The following CCSER1 variants were observed in gnomAD, a reference collection of about 807,000 sequenced individuals.
The protein encoded by CCSER1 is serine-rich coiled-coil domain-containing protein 1.
In CCSER1, 41 loss-of-function variants were observed where a neutral mutation model predicts 82.0. The observed-to-expected ratio is 0.50, with a 90% CI of 0.39 to 0.65. The LOEUF is 0.65. Ranked by LOEUF, CCSER1 falls within the 30% of genes least tolerant of loss-of-function variation. The pLI, the probability that CCSER1 is intolerant of heterozygous loss-of-function variation, is 0.00. For missense variants in CCSER1, 1,119 were observed against 1,064.2 expected, an observed-to-expected ratio of 1.05 and a Z score of -0.72; for synonymous variants, 414 against 383.9, an observed-to-expected ratio of 1.08 and a Z score of -0.92.
chr4:90,881,917 G>C (rs951086459), intron 8 of CCSER1, among the ~76,000 whole-genome samples: 1 of 150,758 alleles, frequency 6.6e-6, no homozygotes, highest in African/African-American at 2.4e-5. Flanking sequence ...GCAGCAATGC[G>C]AATATGTTTT....
intron 1 of CCSER1, among the ~76,000 whole-genome samples, chr4:90,234,032 A>G (rs1745251438): frequency 2.6e-5 from 4 of 152,188 alleles, no homozygotes; most frequent in Admixed American, 2.6e-4. Context: ...TTGTGCTTAT[A>G]TGATATCAAT....
At chr4:90,418,705 C>T (rs1382133888) in intron 4 of CCSER1, among the ~76,000 whole-genome samples, 1 of 151,980 alleles carries the variant, frequency 6.6e-6, no homozygotes, top group Non-Finnish European at 1.5e-5. Flanking sequence ...CACATGTTCA[C>T]TGAAGCATTT....
chr4:91,196,112 G>A (rs74943740), intron 10 of CCSER1, among the ~76,000 whole-genome samples: 1 of 151,774 alleles, frequency 6.6e-6, no homozygotes, highest in East Asian at 1.9e-4. Flanking sequence ...GCATGAACCC[G>A]GGAGGCGGAG....
intron 10 of CCSER1, among the ~76,000 whole-genome samples, chr4:91,402,656 T>C (rs1468830880): frequency 6.6e-6 from 1 of 152,214 alleles, no homozygotes; most frequent in Non-Finnish European, 1.5e-5. Flanking sequence ...TAGGGAATCC[T>C]TTCCCCATTT....
intron 10 of CCSER1, among the ~76,000 whole-genome samples, chr4:91,507,692 T>G (rs1204274297): frequency 6.6e-6 from 1 of 151,902 alleles, no homozygotes; most frequent in African/African-American, 2.4e-5. Context: ...TTTTTTTCTC[T>G]CATTCTGAAG....
At chr4:91,253,726 T>A (rs1740450361) in intron 10 of CCSER1, among the ~76,000 whole-genome samples, 1 of 152,106 alleles carries the variant, frequency 6.6e-6, no homozygotes, top group Admixed American at 6.5e-5. Context: ...GAAATACACC[T>A]CATGGTTCTT....
intron 3 of CCSER1, among the ~76,000 whole-genome samples, chr4:90,359,922 AT>A (rs200405709): frequency 0.096 from 13,069 of 136,464 alleles, 885 homozygotes; most frequent in East Asian, 0.19. Context: ...TATGTATATA[AT>A]TTTTTTTTTT....
intron 1 of CCSER1, among the ~76,000 whole-genome samples, chr4:90,231,546 C>G (rs1224495321): frequency 6.9e-6 from 1 of 144,436 alleles, no homozygotes; most frequent in Non-Finnish European, 1.5e-5. Context: ...GAAGCATTCC[C>G]TTTGAAAACT....
chr4:91,368,702 T>C (rs1362954308), intron 10 of CCSER1, among the ~76,000 whole-genome samples: 1 of 152,164 alleles, frequency 6.6e-6, no homozygotes, highest in African/African-American at 2.4e-5. Context: ...TTTAGTTTGG[T>C]AGCAATTTCA....
At chr4:90,173,824 A>G (rs910300709) in intron 1 of CCSER1, among the ~76,000 whole-genome samples, 1 of 151,968 alleles carries the variant, frequency 6.6e-6, no homozygotes, top group South Asian at 2.1e-4. Flanking sequence ...GTGATCAGTT[A>G]TGGATTATTT....
chr4:90,926,057 A>G (rs993340537), intron 9 of CCSER1, among the ~76,000 whole-genome samples: 2 of 151,962 alleles, frequency 1.3e-5, no homozygotes, highest in Admixed American at 1.3e-4. Flanking sequence ...AAACTGTACA[A>G]TTTCTCCCAT....
At chr4:90,404,176 G>A (rs1014581123) in intron 4 of CCSER1, 8 of 152,266 alleles carry the variant, frequency 5.3e-5, no homozygotes, top group African/African-American at 1.2e-4. Flanking sequence ...AGTGGGGTGA[G>A]GCATGTGACT....
At chr4:90,153,083 C>T (rs1344991950) in intron 1 of CCSER1, among the ~76,000 whole-genome samples, 5 of 135,424 alleles carry the variant, frequency 3.7e-5, no homozygotes, top group Non-Finnish European at 4.7e-5. Flanking sequence ...CCCCTTCCTG[C>T]GTCCATGTGT....
intron 5 of CCSER1, among the ~76,000 whole-genome samples, chr4:90,625,467 A>G (rs1412935249): frequency 6.6e-6 from 1 of 152,184 alleles, no homozygotes; most frequent in African/African-American, 2.4e-5. Flanking sequence ...CATTTAACAG[A>G]TCTTTCACTA....
intron 10 of CCSER1, among the ~76,000 whole-genome samples, chr4:91,371,650 A>AT (rs756321939): frequency 2.1e-4 from 31 of 149,962 alleles, no homozygotes; most frequent in Non-Finnish European, 3.5e-4. Context: ...GAGTGCTGAT[A>AT]TTTTTTGATA....
At chr4:91,165,657 C>G (rs1461659450) in intron 10 of CCSER1, among the ~76,000 whole-genome samples, 1 of 152,240 alleles carries the variant, frequency 6.6e-6, no homozygotes, top group Non-Finnish European at 1.5e-5. Flanking sequence ...CTCCCCCTGC[C>G]AGGCTGCTGC....
At chr4:90,258,838 T>TA (rs1282459488) in intron 1 of CCSER1, among the ~76,000 whole-genome samples, 3 of 152,120 alleles carry the variant, frequency 2.0e-5, no homozygotes, top group Admixed American at 2.0e-4. Context: ...TATGTAGTCT[T>TA]ACACCCCTCA....
chr4:90,188,012 A>G (rs1035490545), intron 1 of CCSER1, among the ~76,000 whole-genome samples: 4 of 151,956 alleles, frequency 2.6e-5, no homozygotes, highest in South Asian at 2.1e-4. Context: ...TCAATTTCCT[A>G]CCACGTATAT....
At chr4:91,225,302 A>AAT (rs1362400906) in intron 10 of CCSER1, among the ~76,000 whole-genome samples, 40 of 50,088 alleles carry the variant, frequency 8.0e-4, no homozygotes, top group African/African-American at 4.5e-3. Context: ...ATATGTATAT[A>AAT]TATTATATAT....
Sources: gnomAD v4.1 joint callset for allele counts (sites outside exome capture counted in the v4.1 genomes callset) on GRCh38, gnomAD v4.1.1 for gene constraint, MANE v1.5 for transcripts, NCBI Gene and HGNC (gene_info 2026-07-23, HGNC 2026-07-21) for gene names.